Variants in TENM2 observed in about 807,000 individuals in gnomAD.
The protein encoded by TENM2 is teneurin transmembrane protein 2, also known as teneurin-2.
In TENM2, 52 loss-of-function variants were observed where a neutral mutation model predicts 245.2. The observed-to-expected ratio is 0.21, with a 90% CI of 0.17 to 0.27. The LOEUF (loss-of-function observed/expected upper bound fraction) is 0.27, where lower values mean the gene tolerates loss of function less well. Among genes scored for constraint, TENM2 ranks in the 10% least tolerant of loss-of-function variants. The probability of loss-of-function intolerance (pLI) is 1.00; values close to 1 mark genes in which losing one functional copy is unlikely to be tolerated. For synonymous variants in TENM2, 1,363 were observed against 1,438.9 expected (o/e 0.95, Z 1.19); for missense variants, 3,046 against 3,666.8 (o/e 0.83, Z 4.37).
chr5:167,761,522 A>C (rs1762668577), intron 2 of TENM2, among the ~76,000 whole-genome samples: 1 of 152,206 alleles, frequency 6.6e-6, no homozygotes, highest in Non-Finnish European at 1.5e-5. Context: ...AATCATCCTA[A>C]AATCATGTTC....
At chr5:167,287,069 G>C (rs765032659) in intron 1 of TENM2, among the ~76,000 whole-genome samples, 2 of 152,210 alleles carry the variant, frequency 1.3e-5, no homozygotes, top group African/African-American at 2.4e-5. Flanking sequence ...GCATCAGAAG[G>C]TATTTGCATA....
chr5:166,988,535 A>T, the TENM2 span, among the ~76,000 whole-genome samples: 29 of 152,312 alleles, frequency 1.9e-4, no homozygotes, highest in African/African-American at 6.5e-4. Flanking sequence ...CACAGAATAC[A>T]TCTGTGCAAT....
At chr5:167,512,654 G>A (rs1299875560) in intron 2 of TENM2, among the ~76,000 whole-genome samples, 2 of 152,032 alleles carry the variant, frequency 1.3e-5, no homozygotes, top group Non-Finnish European at 2.9e-5. Context: ...ACACCTCTTA[G>A]GTTTGGAAGA....
intron 9 of TENM2, among the ~76,000 whole-genome samples, chr5:168,108,302 A>T (rs1281384960): frequency 6.6e-6 from 1 of 152,228 alleles, no homozygotes; most frequent in Non-Finnish European, 1.5e-5. Context: ...ATAATAGCCA[A>T]GTGATTAAGA....
chr5:168,033,149 G>A (rs180899478), intron 5 of TENM2: 3 of 151,616 alleles, frequency 2.0e-5, no homozygotes, highest in Non-Finnish European at 2.9e-5. Context: ...TTATTTTTTC[G>A]TGCCTGTCTA....
the TENM2 span, among the ~76,000 whole-genome samples, chr5:167,090,386 A>G: frequency 1.1e-3 from 166 of 152,310 alleles, no homozygotes; most frequent in African/African-American, 3.8e-3. Flanking sequence ...AAAATAATAA[A>G]GGCAATTTCT....
At chr5:168,257,670 C>T (rs1369032420) in intron 27 of TENM2, among the ~76,000 whole-genome samples, 2 of 145,888 alleles carry the variant, frequency 1.4e-5, no homozygotes, top group African/African-American at 5.1e-5. Context: ...GGCTGGAGTG[C>T]AGTAGCACGA....
At chr5:167,939,647 C>T (rs1161804976) in intron 3 of TENM2, among the ~76,000 whole-genome samples, 1 of 152,178 alleles carries the variant, frequency 6.6e-6, no homozygotes, top group Non-Finnish European at 1.5e-5. Flanking sequence ...TACTTGTCAG[C>T]ATAGGGTTGA....
At chr5:167,572,121 G>A (rs1433392981) in intron 2 of TENM2, among the ~76,000 whole-genome samples, 2 of 152,184 alleles carry the variant, frequency 1.3e-5, no homozygotes, top group African/African-American at 4.8e-5. Context: ...TGGAGGTGGG[G>A]ATTACTTCTT....
the TENM2 span, among the ~76,000 whole-genome samples, chr5:167,145,424 C>A: frequency 6.6e-6 from 1 of 152,168 alleles, no homozygotes; most frequent in African/African-American, 2.4e-5. Context: ...ACAGGCTTTG[C>A]AAAGCAGGTG....
chr5:167,693,629 T>C (rs1757573024), intron 2 of TENM2, among the ~76,000 whole-genome samples: 1 of 102,652 alleles, frequency 9.7e-6, no homozygotes, highest in South Asian at 3.1e-4. Context: ...AAGAAATTTC[T>C]AGGCAAAAAA....
At chr5:167,560,706 T>C (rs1773531240) in intron 2 of TENM2, among the ~76,000 whole-genome samples, 2 of 152,222 alleles carry the variant, frequency 1.3e-5, no homozygotes, top group Admixed American at 6.5e-5. Context: ...GCTAATTGGT[T>C]CACAGAGAGC....
At chr5:167,779,848 G>T (rs1213885745) in intron 2 of TENM2, among the ~76,000 whole-genome samples, 4 of 152,198 alleles carry the variant, frequency 2.6e-5, no homozygotes, top group Non-Finnish European at 5.9e-5. Context: ...TTTAGAGAAG[G>T]CTACAACCAG....
rs2569054 is a variant in TENM2, at chr5:168,107,488, C to G, written c.1813+9361C>G. 2.7e-3 allele frequency among the ~76,000 whole-genome samples: 415 copies of G among 152,304 alleles called. 3 individuals carry two copies. The highest frequency in any genetic ancestry group is 8.3e-3 in the African/African-American group (347 of 41,562). ...AATGTGTATTTCCAGGTTTCTCCCC[C>G]ATGCCAGCCAATCTGACTTGTAGGA... On this transcript the variant is annotated intron_variant, in intron 9 of 28. Coordinates refer to ENST00000518659, the Ensembl canonical transcript of TENM2.
At chr5:168,011,810 G>T (rs748274662) in intron 5 of TENM2, among the ~76,000 whole-genome samples, 44 of 152,104 alleles carry the variant, frequency 2.9e-4, no homozygotes, top group Non-Finnish European at 5.6e-4. Context: ...ATGACTTGCT[G>T]GTTTTTCTCT....
At chr5:167,386,844 T>C (rs1448397215) in intron 2 of TENM2, among the ~76,000 whole-genome samples, 1 of 151,906 alleles carries the variant, frequency 6.6e-6, no homozygotes, top group Non-Finnish European at 1.5e-5. Flanking sequence ...TATTTCTGGC[T>C]TCCCTATTCT....
At chr5:167,825,928 C>T (rs1181445866) in intron 2 of TENM2, among the ~76,000 whole-genome samples, 1 of 152,008 alleles carries the variant, frequency 6.6e-6, no homozygotes, top group African/African-American at 2.4e-5. Context: ...CAGACCATTC[C>T]CACATTCTGG....
At chr5:167,418,188 G>A (rs1346129431) in intron 2 of TENM2, among the ~76,000 whole-genome samples, 2 of 152,110 alleles carry the variant, frequency 1.3e-5, no homozygotes, top group Non-Finnish European at 2.9e-5. Flanking sequence ...AATTAGCAGG[G>A]TGTGGTGGCA....
intron 4 of TENM2, among the ~76,000 whole-genome samples, chr5:167,988,376 T>C (rs762350823): frequency 1.3e-5 from 2 of 152,194 alleles, no homozygotes; most frequent in African/African-American, 2.4e-5. Flanking sequence ...TTAAACTTTA[T>C]TGAAATTCAG....
Sources: gnomAD v4.1 joint callset for allele counts (sites outside exome capture counted in the v4.1 genomes callset) on GRCh38, gnomAD v4.1.1 for gene constraint, MANE v1.5 for transcripts, NCBI Gene and HGNC (gene_info 2026-07-23, HGNC 2026-07-21) for gene names.